Variants in KAZN observed in about 807,000 individuals in gnomAD.
KAZN encodes kazrin.
A neutral mutation model predicts 87.4 loss-of-function variants in KAZN; 40 were observed. The ratio of observed to expected loss-of-function variants is 0.46; its 90% CI spans 0.36 to 0.60. The LOEUF (loss-of-function observed/expected upper bound fraction) is 0.60. Ranked by LOEUF, KAZN falls within the 20% of genes least tolerant of loss-of-function variation. KAZN has a pLI of 0.00. For missense variants in KAZN, 898 were observed against 1,073.9 expected (o/e 0.84, Z 2.29); for synonymous variants, 466 against 458.3 (o/e 1.02, Z -0.22).
At chr1:14,180,407 C>G in intron 1 of KAZN, 2 of 1,543,854 alleles carry the variant, frequency 1.3e-6, no homozygotes, top group South Asian at 1.2e-5. Context: ...AGTTGTGACT[C>G]TACTTTTCCT....
chr1:14,432,694 T>C (rs1666142061), intron 2 of KAZN, among the ~76,000 whole-genome samples: 1 of 152,122 alleles, frequency 6.6e-6, no homozygotes, highest in African/African-American at 2.4e-5. Flanking sequence ...ATGCATTAGG[T>C]ATTTGTCCTA....
chr1:14,529,782 G>A lies in KAZN; in HGVS notation c.250-69201G>A, dbSNP rs536503661. ...TCCTTGCTGCTCAGGCACGGACCAG[G>A]GCATTGCAAGCCCTGTTGGAGACAC... On this transcript the variant is annotated intron_variant, in intron 2 of 16. Coordinates refer to the KAZN transcript ENST00000636203. Among the ~76,000 whole-genome samples the A allele has an allele frequency of 5.3e-5, 8 of 152,296 alleles. No individual in the cohort carries two copies. The South Asian group carries it at 1.7e-3, about 32-fold the overall frequency.
chr1:14,279,575 G>A (rs1342204766), intron 2 of KAZN, among the ~76,000 whole-genome samples: 1 of 152,174 alleles, frequency 6.6e-6, no homozygotes, highest in Non-Finnish European at 1.5e-5. Context: ...AGTCATACAA[G>A]TGGTACCTTG....
chr1:14,437,743 G>A (rs1304518823), intron 2 of KAZN, among the ~76,000 whole-genome samples: 3 of 152,176 alleles, frequency 2.0e-5, no homozygotes, highest in Non-Finnish European at 4.4e-5. Flanking sequence ...GCCGCGTGCA[G>A]TTGGCACATT....
At chr1:14,501,949 G>A (rs1670279002) in intron 2 of KAZN, among the ~76,000 whole-genome samples, 1 of 152,108 alleles carries the variant, frequency 6.6e-6, no homozygotes, top group African/African-American at 2.4e-5. Flanking sequence ...GTTCTTCCTG[G>A]GACCAAGGGA....
At chr1:14,446,579 G>T (rs10803279) in intron 2 of KAZN, among the ~76,000 whole-genome samples, 2,090 of 152,096 alleles carry the variant, frequency 0.014, 27 homozygotes, top group Non-Finnish European at 0.019. Flanking sequence ...AGGGTTGGCA[G>T]CGGTGGTGGT....
At chr1:14,508,755 C>G (rs79701734) in intron 2 of KAZN, among the ~76,000 whole-genome samples, 145 of 152,264 alleles carry the variant, frequency 9.5e-4, no homozygotes, top group African/African-American at 3.3e-3. Context: ...GGACCTCGCC[C>G]GTTCTCCCTT....
intron 1 of KAZN, among the ~76,000 whole-genome samples, chr1:14,147,637 T>A (rs1056588188): frequency 6.6e-6 from 1 of 151,238 alleles, no homozygotes; most frequent in East Asian, 2.0e-4. Flanking sequence ...ACTAAAAAAA[T>A]ATATAAAAAT....
chr1:14,240,300 G>C (rs1378305132), intron 2 of KAZN, among the ~76,000 whole-genome samples: 1 of 152,218 alleles, frequency 6.6e-6, no homozygotes, highest in Non-Finnish European at 1.5e-5. Context: ...CCTGGTACTT[G>C]GGACCTCCTG....
chr1:14,907,652 T>C (rs900889852), intron 1 of KAZN, among the ~76,000 whole-genome samples: 1 of 151,940 alleles, frequency 6.6e-6, no homozygotes, highest in African/African-American at 2.4e-5. Flanking sequence ...CGGAAAGAAG[T>C]CTCCTCTGAG....
chr1:14,336,788 A>G (rs1657300747), intron 2 of KAZN, among the ~76,000 whole-genome samples: 1 of 152,208 alleles, frequency 6.6e-6, no homozygotes. Context: ...TTGCCCATAC[A>G]TAAATTTTCT....
intron 1 of KAZN, among the ~76,000 whole-genome samples, chr1:13,961,821 C>A (rs1192443522): frequency 6.6e-6 from 1 of 152,130 alleles, no homozygotes; most frequent in African/African-American, 2.4e-5. Context: ...CCTCTGTCCC[C>A]AGCACACTTG....
chr1:14,749,627 T>C (rs1272517945), intron 1 of KAZN, among the ~76,000 whole-genome samples: 1 of 151,836 alleles, frequency 6.6e-6, no homozygotes. Flanking sequence ...GGCAGAGGAG[T>C]ATTCCCAGTA....
chr1:14,656,954 G>C (rs1022106772), intron 1 of KAZN, among the ~76,000 whole-genome samples: 1 of 152,190 alleles, frequency 6.6e-6, no homozygotes, highest in Non-Finnish European at 1.5e-5. Flanking sequence ...TGAAGTTGGC[G>C]GAGATTCCTC....
chr1:14,849,345 G>A lies in KAZN; in HGVS notation c.227-111339G>A, dbSNP rs181154514. On this transcript the variant is annotated intron_variant, in intron 1 of 14. Coordinates refer to ENST00000376030, the MANE Select transcript of KAZN (RefSeq NM_201628.3). ...CCATCTGTTATTAATTCTAATCATC[G>A]TCATCCTCATCAACAATAATAGCAA... Among the ~76,000 whole-genome samples, 9 of 152,190 alleles carry A rather than the reference G, an allele frequency of 5.9e-5. No homozygotes were observed. In the East Asian group the frequency reaches 9.6e-4, roughly 16 times the overall value.
At chr1:14,883,361 A>G (rs866756754) in intron 1 of KAZN, among the ~76,000 whole-genome samples, 1,524 of 56,780 alleles carry the variant, frequency 0.027, 18 homozygotes, top group East Asian at 0.074. Flanking sequence ...AAAGAAAAGA[A>G]AGAAAGAAAG....
chr1:13,979,241 A>C lies in KAZN; in HGVS notation c.91+85485A>C, dbSNP rs184283787. Among the ~76,000 whole-genome samples the C allele has an allele frequency of 4.8e-4, 73 of 152,314 alleles. 1 individual carries two copies. In the East Asian group the frequency reaches 0.014, roughly 29 times the overall value. The stretch of plus-strand genomic sequence containing the variant: ...AAAGCTAAAAGAAAACTTAAAAAGC[A>C]AAACAAAACCTCCATCACATACAAA... On this transcript the variant is annotated intron_variant, in intron 1 of 16. Coordinates refer to the KAZN transcript ENST00000636203.
intron 1 of KAZN, among the ~76,000 whole-genome samples, chr1:14,136,673 G>T (rs1039714019): frequency 6.6e-6 from 1 of 152,120 alleles, no homozygotes; most frequent in Non-Finnish European, 1.5e-5. Flanking sequence ...GGAGGGGAAG[G>T]CCAGGGATGG....
intron 1 of KAZN, among the ~76,000 whole-genome samples, chr1:13,981,969 G>A (rs761089580): frequency 3.3e-5 from 5 of 152,206 alleles, no homozygotes; most frequent in Admixed American, 6.5e-5. Flanking sequence ...CCACTTGGCC[G>A]AAGTCACACA....
Sources: allele counts gnomAD v4.1 joint callset (sites outside exome capture counted in the v4.1 genomes callset), GRCh38; gene constraint gnomAD v4.1.1; transcripts MANE v1.5; gene names NCBI Gene and HGNC (gene_info 2026-07-23, HGNC 2026-07-21).